HEATR1: variants seen among roughly 807,000 people sequenced by gnomAD.
HEATR1 encodes the protein HEAT repeat-containing protein 1.
In HEATR1, 77 loss-of-function variants were observed where a neutral mutation model predicts 248.2. The ratio of observed to expected loss-of-function variants is 0.31; its 90% CI spans 0.26 to 0.37. The LOEUF (loss-of-function observed/expected upper bound fraction) is 0.37. Ranked by LOEUF, HEATR1 falls within the 10% of genes least tolerant of loss-of-function variation. The pLI is 1.00. For synonymous variants in HEATR1, 897 were observed against 923.1 expected (o/e 0.97, Z 0.51); for missense variants, 2,420 against 2,504.9 (o/e 0.97, Z 0.72).
At chr1:236,569,475 C>T (rs980150856) in intron 28 of HEATR1, among the ~76,000 whole-genome samples, 1 of 152,066 alleles carries the variant, frequency 6.6e-6, no homozygotes, top group Non-Finnish European at 1.5e-5. Context: ...TCCATTTCAA[C>T]AATTCATTAC....
chr1:236,583,766 C>A (rs557452574), intron 17 of HEATR1, among the ~76,000 whole-genome samples: 9 of 151,966 alleles, frequency 5.9e-5, no homozygotes. Flanking sequence ...GGATTATAGG[C>A]GTGAGCTACC....
chr1:236,583,751 T>C (rs916403122), intron 17 of HEATR1, among the ~76,000 whole-genome samples: 15 of 152,260 alleles, frequency 9.9e-5, no homozygotes, highest in African/African-American at 3.6e-4. Flanking sequence ...CCTCCCAAAA[T>C]GCTGGGATTA....
intron 28 of HEATR1, 81 bp from the exon 29 acceptor site, chr1:236,569,205 C>A: frequency 8.9e-7 from 1 of 1,128,024 alleles, no homozygotes. Flanking sequence ...GCGTCTCGCT[C>A]CGTCATTCAG....
rs1187551955 is a variant in HEATR1 at position 236,550,634 on chromosome 1, GAAT to G, written c.*265_*267del. ...ATATTATTACCATCAATCAGGAAGA[GAAT>G]AATAAATGTTTAAACAAACACAGCA... On this transcript the variant is annotated 3_prime_UTR_variant, in exon 45 of 45. Coordinates refer to ENST00000366582, the MANE Select transcript of HEATR1 (RefSeq NM_018072.6). 1.6e-5 allele frequency: 6 copies of G among 380,730 alleles called. No individual in the cohort carries two copies. The highest frequency in any genetic ancestry group is 2.8e-5 in the Non-Finnish European group (6 of 213,442). The allele number at this position is 380,730 out of a possible 1,614,324, so 23.6% of individuals were successfully genotyped here. A position where few individuals can be genotyped will look rare whatever the true frequency, so the allele number is the denominator to read the frequency against.
rs555399170 is a variant in HEATR1 at position 236,555,850 on chromosome 1, G to A, written c.5604C>T (p.Thr1868=). ...EELTSHQSQL[T]AFFLEALDFR... is the part of the protein sequence containing the mutation. Reference sequence around the variant, plus strand: ...AGTCCAGGGCTTCCAGGAAAAAGGCGGTTAGCTGAGACTGATGGGAGGTGA... The same window carrying A: ...AGTCCAGGGCTTCCAGGAAAAAGGCAGTTAGCTGAGACTGATGGGAGGTGA... Residue 1868 remains threonine (T), a synonymous_variant, in exon 39 of 45, where the codon ACC becomes ACT. Transcript: ENST00000366582. 2.1e-5 allele frequency: 34 copies of A among 1,614,038 alleles called. No individual in the cohort carries two copies. The highest frequency in any genetic ancestry group is 1.6e-4 in the East Asian group (7 of 44,884).
At chr1:236,577,549 C>T (rs1202679528) in intron 20 of HEATR1, among the ~76,000 whole-genome samples, 1 of 144,128 alleles carries the variant, frequency 6.9e-6, no homozygotes, top group Non-Finnish European at 1.5e-5. Context: ...AGTGCAATGG[C>T]ACGATCTCGG....
intron 20 of HEATR1, among the ~76,000 whole-genome samples, chr1:236,580,386 C>A (rs1663681735): frequency 6.6e-6 from 1 of 152,128 alleles, no homozygotes; most frequent in African/African-American, 2.4e-5. Flanking sequence ...AAATGAATAG[C>A]TGATTATTAA....
chr1:236,566,858 T>G lies in HEATR1; in HGVS notation c.4096A>C (p.Ile1366Leu), dbSNP rs111419712. The change falls in exon 30 of 45, where the codon ATA becomes CTA. Residue 1366 changes from isoleucine to leucine, a missense_variant. Physicochemically the swap from Ile to Leu is conservative, Grantham distance 5 (BLOSUM62 2). Coordinates refer to ENST00000366582, the MANE Select transcript of HEATR1 (RefSeq NM_018072.6). ...ALIQSDSGDS[I>L]EVSRNVEEIV... ...TCTTCAACGTTTCTTGAAACTTCTA[T>G]AGAATCTCCACTATCAGACTGCAAA... 24 of 1,613,528 alleles carry G rather than the reference T, an allele frequency of 1.5e-5. No homozygotes were observed. The highest frequency in any genetic ancestry group is 1.9e-5 in the Non-Finnish European group (23 of 1,179,602).
intron 9 of HEATR1, 143 bp downstream of exon 9, chr1:236,593,869 T>A (rs1425032769): frequency 1.7e-6 from 1 of 572,124 alleles, no homozygotes; most frequent in Non-Finnish European, 3.0e-6. Context: ...AGTTACTGGA[T>A]TAAGTACTTA....
At chr1:236,590,539 T>A (rs1664004260) in intron 12 of HEATR1, among the ~76,000 whole-genome samples, 1 of 152,092 alleles carries the variant, frequency 6.6e-6, no homozygotes. Flanking sequence ...AAATCAAATT[T>A]CAAAACTAAA....
In HEATR1 at chr1:236,573,934, G is replaced by A. The variant is rs530753905; in HGVS notation, c.3459+268C>T. 37 of 240,550 alleles carry A rather than the reference G, an allele frequency of 1.5e-4. No individual in the cohort carries two copies. In the South Asian group the frequency reaches 2.6e-3, roughly 17 times the overall value. 14.9% of individuals were successfully genotyped at this position (240,550 alleles called of 1,614,324 possible). A position where few individuals can be genotyped will look rare whatever the true frequency, so the allele number is the denominator to read the frequency against. ...TTGCATAAAGGAATAGGTAGATTCC[G>A]TCTAATATGAGAAAGATCACACACA... On this transcript the variant is annotated intron_variant, in intron 24 of 44. Transcript: ENST00000366582.
intron 33 of HEATR1, among the ~76,000 whole-genome samples, chr1:236,560,135 C>G (rs564246084): frequency 6.7e-6 from 1 of 150,238 alleles, no homozygotes; most frequent in South Asian, 2.1e-4. Context: ...CTAGCTCATG[C>G]TCAGTGGATC....
At chr1:236,592,357 C>CT (rs1664060827) in intron 10 of HEATR1, among the ~76,000 whole-genome samples, 166 bp downstream of exon 10, 1 of 152,158 alleles carries the variant, frequency 6.6e-6, no homozygotes, top group Non-Finnish European at 1.5e-5. Flanking sequence ...ACTATTTCCT[C>CT]TTATATTTCA....
At chr1:236,603,488 A>G (rs962929604) in intron 2 of HEATR1, 112 bp from the exon 3 acceptor site, 13 of 754,296 alleles carry the variant, frequency 1.7e-5, no homozygotes, top group Middle Eastern at 3.2e-4. Flanking sequence ...CTTTAAGTAC[A>G]TATAATTTAT....
chr1:236,569,221 G>A (rs1239821303), intron 28 of HEATR1, 97 bp from the exon 29 acceptor site: 3 of 928,366 alleles, frequency 3.2e-6, no homozygotes, highest in Admixed American at 3.0e-5. Flanking sequence ...TTCAGGCTGG[G>A]ATGCAGTGCA....
chr1:236,593,182 G>A (rs57438454), intron 9 of HEATR1, among the ~76,000 whole-genome samples: 6,224 of 150,200 alleles, frequency 0.041, 435 homozygotes, highest in African/African-American at 0.14. Context: ...CAATAAGAGC[G>A]AAACTCCATC....
rs1664363254 is a variant in HEATR1, at chr1:236,602,896, C to T, written c.359+264G>A. ...CCAAGATTTCAATATTGCACTCCAGCCTGAGTGCCCAGCAAGACTCTATCT... is the reference window on the plus strand; with the variant it reads ...CCAAGATTTCAATATTGCACTCCAGTCTGAGTGCCCAGCAAGACTCTATCT... On this transcript the variant is annotated intron_variant, in intron 3 of 44. Transcript: ENST00000366582. 1.8e-5 allele frequency: 6 copies of T among 337,302 alleles called. No homozygotes were observed. The South Asian group carries it at 2.2e-4, about 13-fold the overall frequency. 20.9% of individuals were successfully genotyped at this position (337,302 alleles called of 1,614,324 possible). A position where few individuals can be genotyped will look rare whatever the true frequency, so the allele number is the denominator to read the frequency against.
chr1:236,594,298 T>C (rs1437770084), intron 8 of HEATR1, among the ~76,000 whole-genome samples, 184 bp from the exon 9 acceptor site: 1 of 152,250 alleles, frequency 6.6e-6, no homozygotes, highest in East Asian at 1.9e-4. Context: ...AGCTCTTTTG[T>C]ATAGATCACC....
In HEATR1 at chr1:236,587,699, T is replaced by A. The variant is rs529904547; in HGVS notation, c.1627-209A>T. Among the ~76,000 whole-genome samples the A allele has an allele frequency of 8.5e-5, 13 of 152,278 alleles. No homozygotes were observed. The East Asian group carries it at 2.5e-3, about 29-fold the overall frequency. ...AAGGTATTTGCTATTGATAAAAATATGTTAAAAGCAATATAAAAATTCACA... is the reference window on the plus strand; with the variant it reads ...AAGGTATTTGCTATTGATAAAAATAAGTTAAAAGCAATATAAAAATTCACA... On this transcript the variant is annotated intron_variant, in intron 13 of 44. Transcript: ENST00000366582.
Sources: allele counts gnomAD v4.1 joint callset (sites outside exome capture counted in the v4.1 genomes callset), GRCh38; gene constraint gnomAD v4.1.1; transcripts MANE v1.5; gene names NCBI Gene and HGNC (gene_info 2026-07-23, HGNC 2026-07-21).